The following GFPT2 variants were observed in gnomAD, a reference collection of about 807,000 sequenced individuals.
GFPT2 encodes glutamine--fructose-6-phosphate transaminase 2, also known as glutamine--fructose-6-phosphate aminotransferase [isomerizing] 2.
In GFPT2, 62 loss-of-function variants were observed where a neutral mutation model predicts 85.6. That is an observed-to-expected ratio of 0.72 (90% CI 0.59 to 0.90). GFPT2 has a LOEUF of 0.90. GFPT2 is among the 40% of genes least tolerant of loss of function. The pLI, the probability that GFPT2 is intolerant of heterozygous loss-of-function variation, is 0.00. For missense variants in GFPT2, 788 were observed against 893.4 expected (o/e 0.88, Z 1.50); for synonymous variants, 368 against 344.5 (o/e 1.07, Z -0.75).
chr5:180,304,642 G>C (rs897417065), intron 17 of GFPT2, 130 bp downstream of exon 17: 2 of 846,652 alleles, frequency 2.4e-6, no homozygotes, highest in Non-Finnish European at 3.8e-6. Context: ...AGGCGGCCCG[G>C]GGGAGGGTGT....
intron 9 of GFPT2, among the ~76,000 whole-genome samples, chr5:180,320,938 A>G (rs1443589432): frequency 6.6e-6 from 1 of 152,246 alleles, no homozygotes; most frequent in African/African-American, 2.4e-5. Flanking sequence ...ATGGCAAGCC[A>G]CTGTACTGGA....
chr5:180,328,920 A>G lies in GFPT2; in HGVS notation c.535-582T>C, dbSNP rs1370210550. Among the ~76,000 whole-genome samples, 1 of 152,228 alleles carries G rather than the reference A, an allele frequency of 6.6e-6. No homozygotes were observed. The highest frequency in any genetic ancestry group is 1.5e-5 in the Non-Finnish European group (1 of 68,040). On this transcript the variant is annotated intron_variant, in intron 6 of 18. Coordinates refer to ENST00000253778, the MANE Select transcript of GFPT2 (RefSeq NM_005110.4). This position sits in a 1 kb window ranked among gnomAD's most constrained non-coding sequence, Gnocchi z 5.4. ...AGACCCAAGAGAAGCACAGGTTGTC[A>G]TGACCGTTACTGCTATTATCCTTTC...
intron 14 of GFPT2, 29 bp downstream of exon 14, chr5:180,313,778 C>T: frequency 3.3e-6 from 5 of 1,529,894 alleles, no homozygotes; most frequent in South Asian, 1.2e-5. Context: ...CAGGCTCTCC[C>T]TGGGACGGGC....
intron 10 of GFPT2, among the ~76,000 whole-genome samples, chr5:180,317,544 A>C (rs112824817): frequency 8.3e-5 from 12 of 145,192 alleles, no homozygotes; most frequent in Admixed American, 2.7e-4. Flanking sequence ...CGGATCACGA[A>C]GTCAGGAGAT....
chr5:180,311,987 CAGGGAGGT>C (rs1763895836), intron 15 of GFPT2, among the ~76,000 whole-genome samples: 11 of 92,002 alleles, frequency 1.2e-4, no homozygotes, highest in Non-Finnish European at 1.4e-4. Context: ...ACCAGGGAGG[CAGGGAGGT>C]GGGGAGGCTG....
intron 9 of GFPT2, among the ~76,000 whole-genome samples, chr5:180,321,853 G>T (rs796861071): frequency 6.6e-6 from 1 of 152,166 alleles, no homozygotes; most frequent in Non-Finnish European, 1.5e-5. Flanking sequence ...GCGCGATCTC[G>T]GCTCACTGCA....
Position 180,332,778 on chromosome 5 carries a change from G to A in GFPT2, c.341-1225C>T, listed in dbSNP as rs189043314. 1.7e-3 allele frequency among the ~76,000 whole-genome samples: 263 copies of A among 152,220 alleles called. 1 individual carries two copies. The highest frequency in any genetic ancestry group is 5.7e-3 in the African/African-American group (237 of 41,536). On this transcript the variant is annotated intron_variant, in intron 4 of 18. Transcript: ENST00000253778. Reference sequence around the variant, plus strand: ...TGGTCTCGAACTCCTGACCTCAGGCGATCCACCCACCTTGGCCTCCCAAAG... The same window carrying A: ...TGGTCTCGAACTCCTGACCTCAGGCAATCCACCCACCTTGGCCTCCCAAAG...
intron 1 of GFPT2, among the ~76,000 whole-genome samples, chr5:180,343,300 G>A (rs955959254): frequency 3.9e-5 from 6 of 152,172 alleles, no homozygotes; most frequent in Admixed American, 6.5e-5. Flanking sequence ...CGTTCGGCAC[G>A]CTCCGCAAGG....
chr5:180,307,436 C>T, intron 15 of GFPT2, 133 bp from the exon 16 acceptor site: 6 of 806,702 alleles, frequency 7.4e-6, no homozygotes, highest in Admixed American at 2.3e-5. Flanking sequence ...TCCTCGCATT[C>T]GTTTCAAACG....
chr5:180,329,692 C>T (rs1312627434), intron 6 of GFPT2, among the ~76,000 whole-genome samples: 2 of 152,236 alleles, frequency 1.3e-5, no homozygotes, highest in African/African-American at 2.4e-5. Context: ...GTATTTTACA[C>T]TACAGGATGG....
At chr5:180,347,471 G>A (rs935261271) in intron 1 of GFPT2, among the ~76,000 whole-genome samples, 1 of 152,230 alleles carries the variant, frequency 6.6e-6, no homozygotes. Context: ...AAAGGTCCCA[G>A]AAGGAGAGGG....
rs374031490 is a variant in GFPT2, at chr5:180,324,536, A to G, written c.677-231T>C. The stretch of plus-strand genomic sequence containing the variant: ...GCAAACAAAAACAAACCAAAGAAGC[A>G]CTCACATCAAAGCCCAGTTGCCGTT... On this transcript the variant is annotated intron_variant, in intron 8 of 18. Coordinates refer to ENST00000253778, the MANE Select transcript of GFPT2 (RefSeq NM_005110.4). 1.2e-5 allele frequency: 7 copies of G among 583,894 alleles called. No individual in the cohort carries two copies. In the African/African-American group the frequency reaches 1.3e-4, roughly 11 times the overall value. The allele number at this position is 583,894 out of a possible 1,614,324, so 36.2% of individuals were successfully genotyped here.
chr5:180,310,613 G>C (rs1763861116), intron 15 of GFPT2, among the ~76,000 whole-genome samples: 1 of 151,668 alleles, frequency 6.6e-6, no homozygotes, highest in African/African-American at 2.4e-5. Context: ...GTTTCACCAT[G>C]TTGACCAGGA....
rs537737921 is a variant in GFPT2 at position 180,342,378 on chromosome 5, A to C, written c.8-3778T>G. Among the ~76,000 whole-genome samples the C allele has an allele frequency of 3.5e-3, 531 of 151,504 alleles. 6 individuals are homozygous for C. Among genetic ancestry groups the C allele is most frequent in the African/African-American group, 0.012 (507 of 41,250 alleles). On this transcript the variant is annotated intron_variant, in intron 1 of 18. Transcript: ENST00000253778. ...TGGTTTAGTATATTCAGAGTTGTGC[A>C]ATTATCACCATTCATGTTTAGGTGA...
chr5:180,305,817 C>A lies in GFPT2; in HGVS notation c.1675-878G>T, dbSNP rs562239877. ...CTCTACTGCACTCCAAGAAGCAGCACCTGCCTGTTCTTTAACAGGAGTCAG... is the reference window on the plus strand; with the variant it reads ...CTCTACTGCACTCCAAGAAGCAGCAACTGCCTGTTCTTTAACAGGAGTCAG... On this transcript the variant is annotated intron_variant, in intron 16 of 18. Coordinates refer to ENST00000253778, the MANE Select transcript of GFPT2 (RefSeq NM_005110.4). 4.6e-5 allele frequency among the ~76,000 whole-genome samples: 7 copies of A among 152,272 alleles called. 1 individual carries two copies. In the South Asian group the frequency reaches 1.4e-3, roughly 32 times the overall value.
intron 1 of GFPT2, among the ~76,000 whole-genome samples, chr5:180,346,456 C>T (rs1764610162): frequency 6.6e-6 from 1 of 152,222 alleles, no homozygotes; most frequent in Admixed American, 6.5e-5. Flanking sequence ...CCTTTCTCCT[C>T]CTGTTCAGCC....
chr5:180,325,189 C>T (rs1764193107), intron 7 of GFPT2, among the ~76,000 whole-genome samples: 1 of 152,152 alleles, frequency 6.6e-6, no homozygotes, highest in South Asian at 2.1e-4. Flanking sequence ...GTGACCAACC[C>T]ACAAGGTTAG....
chr5:180,314,492 C>T (rs1763963728), intron 13 of GFPT2, among the ~76,000 whole-genome samples: 7 of 152,238 alleles, frequency 4.6e-5, no homozygotes, highest in Admixed American at 4.6e-4. Flanking sequence ...CAGCTTCATG[C>T]ATAAACCAGC....
At chr5:180,349,710 A>T (rs1764674629) in intron 1 of GFPT2, among the ~76,000 whole-genome samples, 1 of 151,942 alleles carries the variant, frequency 6.6e-6, no homozygotes, top group Admixed American at 6.6e-5. Context: ...TGGTCTCCAG[A>T]ACTGTGAGCG....
Sources: allele counts gnomAD v4.1 joint callset (sites outside exome capture counted in the v4.1 genomes callset), GRCh38; gene constraint gnomAD v4.1.1; non-coding constraint Gnocchi (gnomAD v3.1); transcripts MANE v1.5; gene names NCBI Gene and HGNC (gene_info 2026-07-23, HGNC 2026-07-21).